NEGR1: variants seen among roughly 807,000 people sequenced by gnomAD.
NEGR1 encodes the protein IgLON family member 4.
In NEGR1, 10 loss-of-function variants were observed where a neutral mutation model predicts 40.9. The observed-to-expected ratio is 0.24, with a 90% CI of 0.15 to 0.42. The LOEUF (loss-of-function observed/expected upper bound fraction) is 0.42. Among genes scored for constraint, NEGR1 ranks in the 10% least tolerant of loss-of-function variants. NEGR1 has a pLI of 1.00. For missense variants in NEGR1, 352 were observed against 438.9 expected, an observed-to-expected ratio of 0.80 and a Z score of 1.77; for synonymous variants, 185 against 166.8, an observed-to-expected ratio of 1.11 and a Z score of -0.84.
intron 1 of NEGR1, among the ~76,000 whole-genome samples, chr1:71,962,773 T>A (rs79375629): frequency 0.3 from 45,070 of 151,154 alleles, 7,533 homozygotes; most frequent in African/African-American, 0.46. Flanking sequence ...TCTCCAAGTT[T>A]TTTTTTTTTT....
At chr1:71,466,667 G>A (rs1174346998) in intron 6 of NEGR1, among the ~76,000 whole-genome samples, 1 of 152,112 alleles carries the variant, frequency 6.6e-6, no homozygotes, top group Non-Finnish European at 1.5e-5. Flanking sequence ...CAAGCAGAGA[G>A]AGTGTGAAGC....
intron 1 of NEGR1, among the ~76,000 whole-genome samples, chr1:72,057,934 G>C (rs752393991): frequency 6.6e-6 from 1 of 151,424 alleles, no homozygotes; most frequent in Non-Finnish European, 1.5e-5. Context: ...AGCCCTATCC[G>C]CAAACATAGT....
At chr1:71,501,583 A>T (rs1646999702) in intron 6 of NEGR1, among the ~76,000 whole-genome samples, 1 of 152,188 alleles carries the variant, frequency 6.6e-6, no homozygotes, top group Non-Finnish European at 1.5e-5. Context: ...CTGTAAAATA[A>T]AGAATAGCAT....
intron 3 of NEGR1, among the ~76,000 whole-genome samples, chr1:71,761,307 G>A (rs1655932126): frequency 6.6e-6 from 1 of 152,168 alleles, no homozygotes; most frequent in Non-Finnish European, 1.5e-5. Context: ...ATAAAGGAAT[G>A]AGCATGGTGA....
At chr1:71,953,522 C>T (rs1410789771) in intron 1 of NEGR1, among the ~76,000 whole-genome samples, 1 of 151,946 alleles carries the variant, frequency 6.6e-6, no homozygotes, top group Non-Finnish European at 1.5e-5. Flanking sequence ...ATTACAAAAA[C>T]TTATTTGATA....
chr1:72,182,032 T>C (rs562023549), intron 1 of NEGR1, among the ~76,000 whole-genome samples: 2 of 152,178 alleles, frequency 1.3e-5, no homozygotes, highest in East Asian at 3.9e-4. Context: ...TCATACTAAT[T>C]TAATAGAGGT....
At chr1:72,033,516 A>G (rs1646876862) in intron 1 of NEGR1, among the ~76,000 whole-genome samples, 1 of 152,190 alleles carries the variant, frequency 6.6e-6, no homozygotes, top group Non-Finnish European at 1.5e-5. Flanking sequence ...AGTATGAAAC[A>G]TTAATCATTG....
At chr1:71,441,042 G>C (rs1396221726) in intron 6 of NEGR1, among the ~76,000 whole-genome samples, 1 of 152,180 alleles carries the variant, frequency 6.6e-6, no homozygotes, top group Non-Finnish European at 1.5e-5. Flanking sequence ...TGAGGCTTTT[G>C]GTAGTGATAA....
At chr1:71,528,006 C>G (rs2101439846) in intron 6 of NEGR1, among the ~76,000 whole-genome samples, 1 of 151,316 alleles carries the variant, frequency 6.6e-6, no homozygotes, top group Admixed American at 6.6e-5. Context: ...TAGCTTTTGT[C>G]AGGAAACTAA....
intron 1 of NEGR1, among the ~76,000 whole-genome samples, chr1:71,957,826 G>A (rs527247825): frequency 2.0e-5 from 3 of 152,290 alleles, no homozygotes; most frequent in Non-Finnish European, 2.9e-5. Context: ...TAGAATTAAT[G>A]ACATTTTATA....
At position 71,402,526 on chromosome 1, in the gene NEGR1, A is replaced by C. The variant is rs559008834; in HGVS notation, c.*4920T>G. 42 of 152,266 alleles carry C rather than the reference A, an allele frequency of 2.8e-4. No individual in the cohort carries two copies. The highest frequency in any genetic ancestry group is 9.6e-4 in the African/African-American group (40 of 41,560). 9.4% of individuals were successfully genotyped at this position (152,266 alleles called of 1,614,324 possible). ...CCGGAAAGCATGTATTTGTTTGCTA[A>C]ATTGCTCTCTTTCCACCAGTGATAT... On this transcript the variant is annotated 3_prime_UTR_variant, in exon 7 of 7. Transcript: ENST00000357731.
intron 2 of NEGR1, among the ~76,000 whole-genome samples, chr1:71,877,340 A>G (rs913139879): frequency 7.9e-5 from 12 of 152,118 alleles, no homozygotes; most frequent in African/African-American, 2.7e-4. Context: ...GACTTAAACA[A>G]CAGAAATTTA....
chr1:72,106,451 G>C (rs974969024), intron 1 of NEGR1, among the ~76,000 whole-genome samples: 1 of 151,868 alleles, frequency 6.6e-6, no homozygotes, highest in Non-Finnish European at 1.5e-5. Flanking sequence ...AACTTCAGTA[G>C]ATATTGCTAG....
At chr1:72,032,486 T>C (rs563885598) in intron 1 of NEGR1, among the ~76,000 whole-genome samples, 25 of 152,308 alleles carry the variant, frequency 1.6e-4, no homozygotes, top group African/African-American at 5.3e-4. Flanking sequence ...CAGCTTTTCT[T>C]ACTCTTCTCA....
chr1:71,872,602 C>G (rs1570453458), intron 2 of NEGR1, among the ~76,000 whole-genome samples: 1 of 152,264 alleles, frequency 6.6e-6, no homozygotes, highest in East Asian at 1.9e-4. Context: ...CCTCTATTCA[C>G]CACGTTGGAC....
At chr1:72,165,383 C>T (rs772012878) in intron 1 of NEGR1, among the ~76,000 whole-genome samples, 1 of 151,878 alleles carries the variant, frequency 6.6e-6, no homozygotes, top group South Asian at 2.1e-4. Flanking sequence ...TAAAGATAAG[C>T]CAGAAAGAGG....
At chr1:71,773,126 C>T (rs1388546613) in intron 3 of NEGR1, among the ~76,000 whole-genome samples, 3 of 152,050 alleles carry the variant, frequency 2.0e-5, no homozygotes, top group African/African-American at 7.2e-5. Flanking sequence ...TGGTTGAACA[C>T]ACAGCCTCAT....
chr1:71,774,455 T>C (rs1341921381), intron 3 of NEGR1, among the ~76,000 whole-genome samples: 2 of 152,192 alleles, frequency 1.3e-5, no homozygotes, highest in Non-Finnish European at 2.9e-5. Flanking sequence ...ATTGCAGATA[T>C]ATTGATTTTT....
chr1:71,554,752 T>C (rs1159336088), intron 6 of NEGR1, among the ~76,000 whole-genome samples: 7 of 151,550 alleles, frequency 4.6e-5, no homozygotes, highest in Non-Finnish European at 1.0e-4. Context: ...AGAATACATT[T>C]TGAGCATCAA....
Sources: allele counts gnomAD v4.1 joint callset (sites outside exome capture counted in the v4.1 genomes callset), GRCh38; gene constraint gnomAD v4.1.1; transcripts MANE v1.5; gene names NCBI Gene and HGNC (gene_info 2026-07-23, HGNC 2026-07-21).